The following ESCO2 variants were observed in gnomAD, a reference collection of about 807,000 sequenced individuals.
ESCO2 encodes the protein establishment of sister chromatid cohesion N-acetyltransferase 2.
A neutral mutation model predicts 61.7 loss-of-function variants in ESCO2; 51 were observed. The ratio of observed to expected loss-of-function variants is 0.83; its 90% CI spans 0.66 to 1.04. The LOEUF (loss-of-function observed/expected upper bound fraction) is 1.04, where lower values mean the gene tolerates loss of function less well. ESCO2 is among the 50% of genes least tolerant of loss of function. ESCO2 has a pLI of 0.00. For missense variants in ESCO2, 692 were observed against 686.2 expected (o/e 1.01, Z -0.09); for synonymous variants, 230 against 238.2 (o/e 0.97, Z 0.32).
chr8:27,805,402 G>A (rs139734378), downstream of ESCO2: 712 of 149,670 alleles, frequency 4.8e-3, 7 homozygotes, highest in African/African-American at 0.017. Flanking sequence ...TTTGCATCTT[G>A]CCTCACTTCA....
At chr8:27,802,650 TA>T (rs1295567302) in intron 10 of ESCO2, among the ~76,000 whole-genome samples, 82 of 71,220 alleles carry the variant, frequency 1.2e-3, no homozygotes, top group African/African-American at 4.7e-3. Context: ...TATATATATA[TA>T]TATATTATAT....
downstream of ESCO2, among the ~76,000 whole-genome samples, chr8:27,808,764 A>G (rs575709740): frequency 6.6e-6 from 1 of 152,000 alleles, no homozygotes; most frequent in East Asian, 1.9e-4. Context: ...AAAAGATAAC[A>G]TCTGAGACTT....
At chr8:27,772,560 T>A, upstream of ESCO2, 1 of 1,548,844 alleles carries the variant, frequency 6.5e-7, no homozygotes, top group Non-Finnish European at 8.7e-7. Context: ...AGCGGTGCGG[T>A]GACTCCACCG....
chr8:27,811,895 A>G (rs551195538), downstream of ESCO2: 1 of 152,334 alleles, frequency 6.6e-6, no homozygotes, highest in East Asian at 1.9e-4. Context: ...GGGTTTTGGT[A>G]CTTGTAAATA....
chr8:27,782,434 T>C (rs1171526980), intron 4 of ESCO2, among the ~76,000 whole-genome samples: 1 of 152,170 alleles, frequency 6.6e-6, no homozygotes, highest in African/African-American at 2.4e-5. Flanking sequence ...GCTAATTTTT[T>C]TGTATTTTTA....
downstream of ESCO2, among the ~76,000 whole-genome samples, chr8:27,808,748 T>G (rs1805612771): frequency 6.7e-6 from 1 of 148,352 alleles, no homozygotes; most frequent in Admixed American, 6.7e-5. Context: ...ATGAGGCAAA[T>G]GTCCAAAAAG....
At chr8:27,807,267 TAAGG>T (rs1429385370), downstream of ESCO2, among the ~76,000 whole-genome samples, 2 of 152,188 alleles carry the variant, frequency 1.3e-5, no homozygotes, top group African/African-American at 2.4e-5. Context: ...TTTCTAATAT[TAAGG>T]AAGTTCCTCT....
chr8:27,810,249 A>G, downstream of ESCO2: 1 of 1,193,128 alleles, frequency 8.4e-7, no homozygotes, highest in East Asian at 2.3e-5. Flanking sequence ...GTAACTATGT[A>G]AATATTTTGG....
chr8:27,809,177 C>A (rs1805620686), downstream of ESCO2, among the ~76,000 whole-genome samples: 1 of 152,120 alleles, frequency 6.6e-6, no homozygotes, highest in Non-Finnish European at 1.5e-5. Context: ...GGATAAGAGA[C>A]CCTATTGAGT....
intron 1 of ESCO2, 61 bp from the exon 2 acceptor site, chr8:27,775,438 A>G: frequency 7.1e-7 from 1 of 1,404,548 alleles, no homozygotes. Context: ...TAAAGGGGGT[A>G]TAATTTTGAT....
rs893382354 is a variant in ESCO2, at chr8:27,787,829, TC to T, written c.1014-53del. 9.1e-5 allele frequency: 124 copies of T among 1,358,032 alleles called. 1 individual carries two copies. Among genetic ancestry groups the T allele is most frequent in the Admixed American group, 2.5e-4 (15 of 59,164 alleles). 84.1% of individuals were successfully genotyped at this position (1,358,032 alleles called of 1,614,324 possible). ...TACTCTGATAAATGGCTGCTTTCTT[TC>T]CCTTGTAATTCCTCCAAAATTGTAA... On this transcript the variant is annotated intron_variant, in intron 5 of 10. Transcript: ENST00000305188.
rs1167353496 is a variant in ESCO2, at chr8:27,799,619, G to A, written c.1576G>A (p.Asp526Asn). The stretch of plus-strand genomic sequence containing the variant: ...ATGTCCTAGGGCTTGGCAATGTTCA[G>A]ATGTACCAGAACCTGCAGTCTGTGG... ...TECPRAWQCS[D>N]VPEPAVCGIS... Residue 526 changes from aspartate to asparagine, a missense_variant, in exon 10 of 11, where the codon GAT (aspartate) becomes AAT (asparagine). Coordinates refer to ENST00000305188, the MANE Select transcript of ESCO2 (RefSeq NM_001017420.3). 14 of 1,613,968 alleles carry A rather than the reference G, an allele frequency of 8.7e-6. No individual in the cohort carries two copies. The highest frequency in any genetic ancestry group is 1.1e-5 in the Non-Finnish European group (13 of 1,179,998).
intron 4 of ESCO2, among the ~76,000 whole-genome samples, chr8:27,783,528 T>G (rs908038876): frequency 6.6e-6 from 1 of 152,214 alleles, no homozygotes; most frequent in Non-Finnish European, 1.5e-5. Flanking sequence ...ATGTAAAAAC[T>G]TATTACCAAA....
intron 1 of ESCO2, 115 bp from the exon 2 acceptor site, chr8:27,775,384 C>G: frequency 1.1e-6 from 1 of 915,074 alleles, no homozygotes; most frequent in South Asian, 1.3e-5. Context: ...TCGAGGAAGA[C>G]CTCCCAGAAA....
intron 3 of ESCO2, chr8:27,778,051 T>G (rs1232429828): frequency 6.6e-6 from 1 of 152,212 alleles, no homozygotes; most frequent in Non-Finnish European, 1.5e-5. Flanking sequence ...TTGCTTGGCC[T>G]ACATAATTTA....
At chr8:27,772,758 T>A, upstream of ESCO2, 1 of 566,182 alleles carries the variant, frequency 1.8e-6, no homozygotes, top group Non-Finnish European at 3.2e-6. Flanking sequence ...ATTTGTGGGT[T>A]AAGGGAAAGA....
chr8:27,779,302 GAT>G (rs1246019563), intron 3 of ESCO2: 2 of 152,216 alleles, frequency 1.3e-5, no homozygotes, highest in Non-Finnish European at 2.9e-5. Context: ...CCTCTGCTGG[GAT>G]ATTATGGTTT....
At position 27,776,646 on chromosome 8, in the gene ESCO2, A is replaced by T. The variant is rs1304004375; in HGVS notation, c.338A>T (p.Asn113Ile). The T allele has an allele frequency of 6.2e-7, 1 of 1,613,982 alleles. No individual in the cohort carries two copies. Among genetic ancestry groups the T allele is most frequent in the East Asian group, 2.2e-5 (1 of 44,876 alleles). ...AGTAGATCTACTTGTCTAAAAACTA[A>T]TGATGAAGATAAATCTTTTCCCATT... is the stretch of plus-strand genomic sequence containing the variant. ...KESRSTCLKT[N>I]DEDKSFPIVT... The change falls in exon 3 of 11, where the codon AAT (asparagine) becomes ATT (isoleucine). Residue 113 changes from asparagine to isoleucine, a missense_variant. Asn to Ile is a moderately radical substitution (Grantham distance 149). Coordinates refer to ENST00000305188, the MANE Select transcript of ESCO2 (RefSeq NM_001017420.3).
intron 4 of ESCO2, 24 bp downstream of exon 4, chr8:27,780,291 T>G (rs372428854): frequency 1.4e-6 from 2 of 1,394,708 alleles, no homozygotes; most frequent in Non-Finnish European, 2.0e-6. Context: ...CGCATGAATT[T>G]AGCTGCTTAA....
Sources: allele counts gnomAD v4.1 joint callset (sites outside exome capture counted in the v4.1 genomes callset), GRCh38; gene constraint gnomAD v4.1.1; transcripts MANE v1.5; gene names NCBI Gene and HGNC (gene_info 2026-07-23, HGNC 2026-07-21).